Variants in COLEC10 observed in about 807,000 individuals in gnomAD.
COLEC10 encodes collectin subfamily member 10.
COLEC10 carries 22 observed loss-of-function variants against 28.4 expected under a neutral mutation model. The ratio of observed to expected loss-of-function variants is 0.78; its 90% CI spans 0.55 to 1.11. The LOEUF is 1.11. COLEC10 is among the 50% of genes least tolerant of loss of function. The probability of loss-of-function intolerance (pLI) is 0.00; values close to 1 mark genes in which losing one functional copy is unlikely to be tolerated. For missense variants in COLEC10, 361 were observed against 344.1 expected (o/e 1.05, Z -0.39); for synonymous variants, 125 against 116.1 (o/e 1.08, Z -0.49).
At position 119,002,738 on chromosome 8, in the gene COLEC10, G is replaced by T. The variant is rs561862651; in HGVS notation, n.123-6703G>T. On this transcript the variant is annotated intron_variant and non_coding_transcript_variant, in intron 1 of 6. Transcript: ENST00000521788. ...GAATCTAATTAGAAGGATGAGTAGG[G>T]TTTACCCAGGCTAGCTAGAAAACAG... is the stretch of plus-strand genomic sequence containing the variant. 9.9e-5 allele frequency among the ~76,000 whole-genome samples: 15 copies of T among 152,216 alleles called. No homozygotes were observed. In the East Asian group the frequency reaches 2.3e-3, roughly 24 times the overall value.
the COLEC10 span, among the ~76,000 whole-genome samples, chr8:118,953,269 T>C: frequency 6.6e-6 from 1 of 152,178 alleles, no homozygotes; most frequent in Non-Finnish European, 1.5e-5. Flanking sequence ...GCTCAGTGAG[T>C]GTGGACAAAA....
intron 2 of COLEC10, among the ~76,000 whole-genome samples, chr8:119,030,660 G>T (rs75212442): frequency 0.017 from 2,531 of 152,302 alleles, 21 homozygotes; most frequent in Non-Finnish European, 0.025. Context: ...CACTGACATT[G>T]TTGGGAAGAT....
At chr8:119,043,061 T>C (rs745527333) in intron 2 of COLEC10, among the ~76,000 whole-genome samples, 1 of 152,150 alleles carries the variant, frequency 6.6e-6, no homozygotes, top group Non-Finnish European at 1.5e-5. Context: ...ACAAGCAATA[T>C]GGAAAGACAA....
chr8:118,952,985 T>C, the COLEC10 span, among the ~76,000 whole-genome samples: 12 of 152,190 alleles, frequency 7.9e-5, no homozygotes, highest in Non-Finnish European at 1.8e-4. Context: ...TCAAGTTATA[T>C]GTCTCCAGAG....
chr8:118,970,481 T>C, the COLEC10 span, among the ~76,000 whole-genome samples: 1 of 152,028 alleles, frequency 6.6e-6, no homozygotes, highest in African/African-American at 2.4e-5. Context: ...TTGATTTCCT[T>C]GATCAACTTA....
intron 2 of COLEC10, among the ~76,000 whole-genome samples, chr8:119,057,219 C>G (rs527772443): frequency 1.3e-5 from 2 of 152,006 alleles, no homozygotes; most frequent in Non-Finnish European, 2.9e-5. Flanking sequence ...TTTGACAGTT[C>G]TTCCTTCACT....
At chr8:118,978,197 T>C in the COLEC10 span, among the ~76,000 whole-genome samples, 1 of 152,146 alleles carries the variant, frequency 6.6e-6, no homozygotes. Flanking sequence ...TCTGATTTCA[T>C]AATTCAAGTA....
At chr8:118,954,302 CA>C in the COLEC10 span, among the ~76,000 whole-genome samples, 1 of 152,192 alleles carries the variant, frequency 6.6e-6, no homozygotes, top group Non-Finnish European at 1.5e-5. Flanking sequence ...ATTCATCACT[CA>C]CTGACAGAAA....
intron 1 of COLEC10, among the ~76,000 whole-genome samples, chr8:118,996,744 C>T (rs148941232): frequency 6.6e-6 from 1 of 152,176 alleles, no homozygotes; most frequent in Admixed American, 6.5e-5. Context: ...GCTCATGGTT[C>T]TCCAGGCTGT....
chr8:118,958,532 A>G, the COLEC10 span, among the ~76,000 whole-genome samples: 1 of 152,214 alleles, frequency 6.6e-6, no homozygotes, highest in Non-Finnish European at 1.5e-5. Flanking sequence ...CGGCAAGAAA[A>G]AGCCTCACGG....
intron 2 of COLEC10, among the ~76,000 whole-genome samples, chr8:119,033,514 A>G (rs1172467046): frequency 1.3e-5 from 2 of 152,226 alleles, no homozygotes; most frequent in Non-Finnish European, 2.9e-5. Context: ...AAGGGCTAAT[A>G]TCTAGAATCT....
the COLEC10 span, among the ~76,000 whole-genome samples, chr8:118,962,967 G>T: frequency 6.6e-6 from 1 of 152,120 alleles, no homozygotes; most frequent in South Asian, 2.1e-4. Context: ...AGTAAATCTG[G>T]GTTTTCACGT....
intron 1 of COLEC10, among the ~76,000 whole-genome samples, chr8:119,080,947 A>G (rs1313169609): frequency 2.6e-5 from 4 of 152,098 alleles, no homozygotes. Context: ...TCAGTATAAT[A>G]TTGTATTTTG....
chr8:119,086,045 C>T (rs1463300401), intron 1 of COLEC10, among the ~76,000 whole-genome samples: 2 of 152,148 alleles, frequency 1.3e-5, no homozygotes, highest in Non-Finnish European at 2.9e-5. Flanking sequence ...AAATAATTCA[C>T]TACTTTTTAA....
chr8:119,025,076 T>TACGGTA (rs1317573045), intron 2 of COLEC10, among the ~76,000 whole-genome samples: 2 of 152,174 alleles, frequency 1.3e-5, no homozygotes, highest in Admixed American at 1.3e-4. Flanking sequence ...CATATTTGTG[T>TACGGTA]CTACACAGTA....
chr8:118,977,443 CT>C, the COLEC10 span, among the ~76,000 whole-genome samples: 2 of 146,614 alleles, frequency 1.4e-5, no homozygotes, highest in Admixed American at 6.8e-5. Context: ...AGTTCATGTC[CT>C]TTGTAGGGAC....
At chr8:118,996,706 G>T (rs1440399404) in intron 1 of COLEC10, among the ~76,000 whole-genome samples, 1 of 152,168 alleles carries the variant, frequency 6.6e-6, no homozygotes, top group Non-Finnish European at 1.5e-5. Flanking sequence ...CTGGAACTGG[G>T]TAATTTATGA....
At chr8:119,084,236 G>C (rs1002644113) in intron 1 of COLEC10, among the ~76,000 whole-genome samples, 12 of 152,158 alleles carry the variant, frequency 7.9e-5, no homozygotes, top group Non-Finnish European at 1.8e-4. Context: ...GGAGCACTGA[G>C]AGTTTAAATA....
intron 2 of COLEC10, among the ~76,000 whole-genome samples, chr8:119,033,644 A>G (rs1197196741): frequency 6.6e-6 from 1 of 152,236 alleles, no homozygotes; most frequent in African/African-American, 2.4e-5. Context: ...AAAAAACCTC[A>G]TCATCACTGG....
Sources: allele counts gnomAD v4.1 joint callset (sites outside exome capture counted in the v4.1 genomes callset), GRCh38; gene constraint gnomAD v4.1.1; transcripts MANE v1.5; gene names NCBI Gene and HGNC (gene_info 2026-07-23, HGNC 2026-07-21).